Variants in GSG1L observed in about 807,000 individuals in gnomAD.
GSG1L encodes GSG1 like.
Under a neutral mutation model 42.1 loss-of-function variants are expected in GSG1L, and 24 were observed. The observed-to-expected ratio is 0.57, with a 90% CI of 0.41 to 0.80. The LOEUF is 0.80. GSG1L is among the 30% of genes least tolerant of loss of function. The pLI is 0.00. For missense variants in GSG1L, 445 were observed against 472.2 expected, an observed-to-expected ratio of 0.94 and a Z score of 0.53; for synonymous variants, 215 against 203.5, an observed-to-expected ratio of 1.06 and a Z score of -0.48.
At chr16:27,820,276 T>C (rs1447883186) in intron 5 of GSG1L, among the ~76,000 whole-genome samples, 1 of 152,020 alleles carries the variant, frequency 6.6e-6, no homozygotes. Flanking sequence ...CCATGGAGGA[T>C]GAGGAGCTGC....
At chr16:27,868,432 G>A (rs912798419) in intron 3 of GSG1L, among the ~76,000 whole-genome samples, 6 of 152,222 alleles carry the variant, frequency 3.9e-5, no homozygotes, top group Non-Finnish European at 8.8e-5. Context: ...GGATATGGCC[G>A]TAAATACGGC....
chr16:27,844,617 G>A (rs1369577207), intron 4 of GSG1L, among the ~76,000 whole-genome samples: 2 of 152,170 alleles, frequency 1.3e-5, no homozygotes, highest in East Asian at 1.9e-4. Context: ...CCTTATTTAT[G>A]GACATTGAAA....
intron 1 of GSG1L, among the ~76,000 whole-genome samples, chr16:28,034,688 C>T (rs1288868556): frequency 3.3e-5 from 5 of 152,182 alleles, no homozygotes; most frequent in African/African-American, 9.7e-5. Flanking sequence ...TCAGCCTCCA[C>T]ACTGTGGACA....
chr16:28,007,131 T>C (rs1490064116), intron 1 of GSG1L, among the ~76,000 whole-genome samples: 1 of 152,114 alleles, frequency 6.6e-6, no homozygotes, highest in African/African-American at 2.4e-5. Flanking sequence ...CTGTGATATC[T>C]TACTTTACCT....
At chr16:28,031,386 G>A (rs1314398350) in intron 1 of GSG1L, among the ~76,000 whole-genome samples, 1 of 148,718 alleles carries the variant, frequency 6.7e-6, no homozygotes, top group East Asian at 2.0e-4. Context: ...GGGATGGGAT[G>A]GGATGAGATG....
At chr16:27,852,365 C>A (rs1036507374) in intron 3 of GSG1L, among the ~76,000 whole-genome samples, 1 of 151,918 alleles carries the variant, frequency 6.6e-6, no homozygotes, top group East Asian at 1.9e-4. Flanking sequence ...AGTGGTCAAG[C>A]GGCCTGTCCT....
intron 1 of GSG1L, among the ~76,000 whole-genome samples, chr16:27,972,690 T>C (rs1407442718): frequency 6.6e-6 from 1 of 152,152 alleles, no homozygotes; most frequent in Non-Finnish European, 1.5e-5. Context: ...AGAATCCTAT[T>C]AGGTCAATCA....
chr16:27,903,319 C>A lies in GSG1L; in HGVS notation c.398-18681G>T, dbSNP rs2084284135. Among the ~76,000 whole-genome samples the A allele has an allele frequency of 2.6e-5, 4 of 152,150 alleles. No homozygotes were observed. In the South Asian group the frequency reaches 8.3e-4, roughly 32 times the overall value. On this transcript the variant is annotated intron_variant, in intron 2 of 6. Coordinates refer to ENST00000447459, the MANE Select transcript of GSG1L (RefSeq NM_001109763.2). Reference sequence around the variant, plus strand: ...TACCCAGTATTCCCTCTGGCTGCCACACAGAGAGAGAGAAGTGGGCCTGGT... The same window carrying A: ...TACCCAGTATTCCCTCTGGCTGCCAAACAGAGAGAGAGAAGTGGGCCTGGT...
intron 6 of GSG1L, among the ~76,000 whole-genome samples, chr16:27,794,979 T>A (rs2082802080): frequency 6.6e-6 from 1 of 152,076 alleles, no homozygotes; most frequent in African/African-American, 2.4e-5. Flanking sequence ...GCTTTGCTCC[T>A]TTCCCTGTGC....
At chr16:27,840,345 C>T (rs1037941038) in intron 4 of GSG1L, among the ~76,000 whole-genome samples, 2 of 152,110 alleles carry the variant, frequency 1.3e-5, no homozygotes, top group Non-Finnish European at 2.9e-5. Context: ...CCTCTCCCAT[C>T]TTGGCCTCTC....
intron 2 of GSG1L, among the ~76,000 whole-genome samples, chr16:27,893,902 A>G (rs1314450193): frequency 6.6e-6 from 1 of 152,168 alleles, no homozygotes; most frequent in African/African-American, 2.4e-5. Flanking sequence ...ACAAGCATGC[A>G]CCACTACATG....
rs1436546137 is a variant in GSG1L, at chr16:28,040,647, A to ACATGAAG, written c.349+22422_349+22428dup. Among the ~76,000 whole-genome samples, 1 of 152,246 alleles carries ACATGAAG rather than the reference A, an allele frequency of 6.6e-6. No homozygotes were observed. Among genetic ancestry groups the ACATGAAG allele is most frequent in the Non-Finnish European group, 1.5e-5 (1 of 68,038 alleles). ...AGCAACCTAAGAAGAGACCCGCAGG[A>ACATGAAG]CATGAAGATGCTCTCAGAGCCCCCA... On this transcript the variant is annotated intron_variant, in intron 1 of 6. Transcript: ENST00000447459. This position sits in a 1 kb window ranked among gnomAD's most constrained non-coding sequence, Gnocchi z 4.1.
At chr16:28,022,293 A>G (rs544359054) in intron 1 of GSG1L, among the ~76,000 whole-genome samples, 1 of 152,130 alleles carries the variant, frequency 6.6e-6, no homozygotes, top group South Asian at 2.1e-4. Flanking sequence ...ATTAAATCGT[A>G]AATCATCTTT....
intron 3 of GSG1L, among the ~76,000 whole-genome samples, chr16:27,856,006 G>A (rs976986431): frequency 1.3e-5 from 2 of 152,134 alleles, no homozygotes; most frequent in Non-Finnish European, 2.9e-5. Context: ...ACCCCTCTGC[G>A]GTGCTTAAGC....
At chr16:27,835,858 TATATC>T (rs1287469179) in intron 4 of GSG1L, among the ~76,000 whole-genome samples, 1 of 152,186 alleles carries the variant, frequency 6.6e-6, no homozygotes, top group African/African-American at 2.4e-5. Context: ...CACATCAGAC[TATATC>T]ATGATTTCTG....
intron 1 of GSG1L, among the ~76,000 whole-genome samples, chr16:27,998,708 G>A (rs1596687039): frequency 6.6e-6 from 1 of 151,996 alleles, no homozygotes; most frequent in African/African-American, 2.4e-5. Context: ...GATCATTTGA[G>A]CCCAGTTCAA....
At chr16:27,929,087 C>A (rs548643355) in intron 2 of GSG1L, among the ~76,000 whole-genome samples, 53 of 152,292 alleles carry the variant, frequency 3.5e-4, no homozygotes, top group African/African-American at 1.2e-3. Context: ...AGGTGCAGCC[C>A]AGGTACCTGT....
At chr16:27,981,371 T>C (rs1240594978) in intron 1 of GSG1L, among the ~76,000 whole-genome samples, 1 of 152,164 alleles carries the variant, frequency 6.6e-6, no homozygotes, top group East Asian at 1.9e-4. Context: ...TTTTAACTGG[T>C]TGGCAAGGGC....
At chr16:27,988,357 A>AT (rs2141132317) in intron 1 of GSG1L, among the ~76,000 whole-genome samples, 1 of 149,758 alleles carries the variant, frequency 6.7e-6, no homozygotes, top group East Asian at 1.9e-4. Flanking sequence ...AGCAAAATGT[A>AT]TTTTAGGTTA....
Sources: allele counts gnomAD v4.1 joint callset (sites outside exome capture counted in the v4.1 genomes callset), GRCh38; gene constraint gnomAD v4.1.1; non-coding constraint Gnocchi (gnomAD v3.1); transcripts MANE v1.5; gene names NCBI Gene and HGNC (gene_info 2026-07-23, HGNC 2026-07-21).